The following PRMT8 variants were observed in gnomAD, a reference collection of about 807,000 sequenced individuals.
The protein encoded by PRMT8 is protein arginine N-methyltransferase 8.
PRMT8 carries 7 observed loss-of-function variants against 47.1 expected under a neutral mutation model. The observed-to-expected ratio is 0.15, with a 90% confidence interval of 0.08 to 0.28. The LOEUF is 0.28. PRMT8 is among the 10% of genes least tolerant of loss of function. PRMT8 has a pLI of 1.00. For missense variants in PRMT8, 237 were observed against 505.4 expected, an observed-to-expected ratio of 0.47 and a Z score of 5.09; for synonymous variants, 188 against 186.5, an observed-to-expected ratio of 1.01 and a Z score of -0.07.
intron 2 of PRMT8, among the ~76,000 whole-genome samples, chr12:3,543,332 A>G (rs1392942636): frequency 6.6e-6 from 1 of 152,188 alleles, no homozygotes; most frequent in Admixed American, 6.5e-5. Flanking sequence ...TTTTAACACC[A>G]TTCTTCGCAG....
At chr12:3,406,529 T>C (rs769317935) in intron 1 of PRMT8, among the ~76,000 whole-genome samples, 2 of 151,924 alleles carry the variant, frequency 1.3e-5, no homozygotes, top group Non-Finnish European at 2.9e-5. Flanking sequence ...TAGAAATTTC[T>C]TCTGTCAGAT....
At chr12:3,460,012 T>C (rs1186013907) in intron 1 of PRMT8, among the ~76,000 whole-genome samples, 1 of 152,206 alleles carries the variant, frequency 6.6e-6, no homozygotes, top group Non-Finnish European at 1.5e-5. Context: ...ATTTTAATTG[T>C]CCCCTGGGAG....
intron 1 of PRMT8, among the ~76,000 whole-genome samples, chr12:3,532,051 T>C (rs570188610): frequency 4.6e-5 from 7 of 152,160 alleles, no homozygotes; most frequent in Admixed American, 1.3e-4. Context: ...CCTGATTTCA[T>C]TGGTCTGCGG....
At position 3,530,296 on chromosome 12, in the gene PRMT8, AG is replaced by A. The variant is rs1484263791; in HGVS notation, c.76-10309del. On this transcript the variant is annotated intron_variant, in intron 1 of 9. Transcript: ENST00000382622. Reference sequence around the variant, plus strand: ...TGAAGGGCAACATTCACCCAGTTGAAGTGTAAGTGTACCATTATCACATCTT... The same window carrying A: ...TGAAGGGCAACATTCACCCAGTTGAATGTAAGTGTACCATTATCACATCTT... Among the ~76,000 whole-genome samples, 10 of 152,346 alleles carry A rather than the reference AG, an allele frequency of 6.6e-5. No individual in the cohort carries two copies. In the East Asian group the frequency reaches 1.9e-3, roughly 29 times the overall value.
rs202113481 is a variant in PRMT8, at chr12:3,540,628, C to A, written c.98C>A (p.Pro33His). Reference sequence around the variant, plus strand: ...CAGGTGAACAGCCCCCCCTCCCAGCCCCCCCAGCCCGTCGTCCCTGCTAAG... The same window carrying A: ...CAGGTGAACAGCCCCCCCTCCCAGCACCCCCAGCCCGTCGTCCCTGCTAAG... ...STEVNSPPSQ[P>H]PQPVVPAKPV... The change falls in exon 2 of 10, where the codon CCC becomes CAC. Residue 33 changes from proline (P) to histidine (H), a missense_variant. Transcript: ENST00000382622. 6.9e-5 allele frequency: 103 copies of A among 1,486,012 alleles called. 3 individuals carry two copies. Among genetic ancestry groups the A allele is most frequent in the South Asian group, 4.6e-4 (40 of 87,568 alleles). 92.1% of individuals were successfully genotyped at this position (1,486,012 alleles called of 1,614,324 possible).
chr12:3,592,157 G>A, intron 8 of PRMT8, 74 bp from the exon 9 acceptor site: 1 of 1,485,012 alleles, frequency 6.7e-7, no homozygotes. Flanking sequence ...TCTATGCAGG[G>A]TCCCAGCCTC....
rs149671232 is a variant in PRMT8, at chr12:3,445,905, C to A, written c.48+64463C>A. Among the ~76,000 whole-genome samples, 404 of 152,256 alleles carry A rather than the reference C, an allele frequency of 2.7e-3. 2 individuals carry two copies. The highest frequency in any genetic ancestry group is 9.2e-3 in the African/African-American group (384 of 41,538). ...GAGACCATCAGACTACTTAGGAGAG[C>A]CGTCCTGAGCCACCTACCTCCTGGC... On this transcript the variant is annotated intron_variant, in intron 1 of 9. Transcript: ENST00000452611.
rs990584730 is a variant in PRMT8, at chr12:3,493,427, G to A, written c.75+1727G>A. Among the ~76,000 whole-genome samples the A allele has an allele frequency of 4.6e-5, 7 of 152,362 alleles. No homozygotes were observed. The East Asian group carries it at 1.4e-3, about 29-fold the overall frequency. The stretch of plus-strand genomic sequence containing the variant: ...AGCGGGCACGTAGCGGTCTCTGCCA[G>A]GTGGCTGGAGCCCTGGAAGCGAGAA... On this transcript the variant is annotated intron_variant, in intron 1 of 9. Coordinates refer to ENST00000382622, the MANE Select transcript of PRMT8 (RefSeq NM_019854.5). The surrounding 1 kb of genome is among the most constrained non-coding windows in gnomAD (Gnocchi z 8.2).
intron 1 of PRMT8, among the ~76,000 whole-genome samples, chr12:3,524,641 C>CT (rs1334234554): frequency 1.1e-5 from 1 of 94,652 alleles, no homozygotes; most frequent in Non-Finnish European, 2.2e-5. Flanking sequence ...GCAAGACAAT[C>CT]TAAAAAAAAA....
chr12:3,568,324 G>GA (rs1866767611), intron 4 of PRMT8, among the ~76,000 whole-genome samples: 1 of 148,750 alleles, frequency 6.7e-6, no homozygotes, highest in African/African-American at 2.5e-5. Flanking sequence ...GGTGGAAGGG[G>GA]AGGCAGGCAC....
At chr12:3,394,223 C>G (rs1864224344) in intron 1 of PRMT8, among the ~76,000 whole-genome samples, 1 of 151,686 alleles carries the variant, frequency 6.6e-6, no homozygotes, top group African/African-American at 2.4e-5. Flanking sequence ...GCCTAATTGC[C>G]CTGGCCAGAA....
At chr12:3,416,209 T>C (rs935781145) in intron 1 of PRMT8, among the ~76,000 whole-genome samples, 19 of 152,328 alleles carry the variant, frequency 1.2e-4, no homozygotes, top group African/African-American at 4.6e-4. Context: ...TGCTGAGTTA[T>C]GACCTTACTG....
chr12:3,419,583 A>T (rs1039037700), intron 1 of PRMT8, among the ~76,000 whole-genome samples: 2 of 151,800 alleles, frequency 1.3e-5, no homozygotes, highest in African/African-American at 4.8e-5. Context: ...CAAGACCTTG[A>T]ATTCCTTCTG....
Position 3,580,680 on chromosome 12 carries a change from G to C in PRMT8, c.829-2378G>C, listed in dbSNP as rs560194538. 2.6e-5 allele frequency among the ~76,000 whole-genome samples: 4 copies of C among 152,128 alleles called. No homozygotes were observed. Among genetic ancestry groups the C allele is most frequent in the Admixed American group, 6.5e-5 (1 of 15,272 alleles). ...GCAAGGGCGAAGGTGGTGAGACTGCGATATGAGCCAGAAGTGAGATTGGAA... is the reference window on the plus strand; with the variant it reads ...GCAAGGGCGAAGGTGGTGAGACTGCCATATGAGCCAGAAGTGAGATTGGAA... On this transcript the variant is annotated intron_variant, in intron 7 of 9. Coordinates refer to ENST00000382622, the MANE Select transcript of PRMT8 (RefSeq NM_019854.5). This position sits in a 1 kb window ranked among gnomAD's most constrained non-coding sequence, Gnocchi z 4.6.
chr12:3,589,582 C>T (rs1867256253), intron 8 of PRMT8, among the ~76,000 whole-genome samples: 1 of 152,196 alleles, frequency 6.6e-6, no homozygotes, highest in Non-Finnish European at 1.5e-5. Flanking sequence ...AGAATCAAAA[C>T]ATTGACTTTT....
chr12:3,440,136 C>A (rs1354839972), intron 1 of PRMT8, among the ~76,000 whole-genome samples: 1 of 152,172 alleles, frequency 6.6e-6, no homozygotes, highest in Non-Finnish European at 1.5e-5. Flanking sequence ...GATATTAGAC[C>A]TTGATAATTG....
intron 1 of PRMT8, among the ~76,000 whole-genome samples, chr12:3,439,919 G>A (rs1199655362): frequency 2.0e-5 from 3 of 152,192 alleles, no homozygotes; most frequent in South Asian, 2.1e-4. Context: ...GAGGGTGGTC[G>A]TGGCAGAAGT....
At chr12:3,506,773 A>G (rs1865633160) in intron 1 of PRMT8, among the ~76,000 whole-genome samples, 1 of 152,186 alleles carries the variant, frequency 6.6e-6, no homozygotes, top group Non-Finnish European at 1.5e-5. Context: ...CAGGCTTGAC[A>G]CACCACTCAA....
intron 1 of PRMT8, among the ~76,000 whole-genome samples, chr12:3,415,505 G>T (rs1478767651): frequency 6.6e-6 from 1 of 152,172 alleles, no homozygotes; most frequent in Non-Finnish European, 1.5e-5. Context: ...CCTAGGGGCT[G>T]CCAGCCACCA....
Sources: gnomAD v4.1 joint callset for allele counts (sites outside exome capture counted in the v4.1 genomes callset) on GRCh38, gnomAD v4.1.1 for gene constraint, Gnocchi (gnomAD v3.1) non-coding constraint, MANE v1.5 for transcripts, NCBI Gene and HGNC (gene_info 2026-07-23, HGNC 2026-07-21) for gene names.